Variants in STAT5B observed in about 807,000 individuals in gnomAD.
STAT5B encodes transcription factor STAT5B.
A neutral mutation model predicts 107.8 loss-of-function variants in STAT5B; 21 were observed. The observed-to-expected ratio is 0.19, with a 90% CI of 0.14 to 0.28. The LOEUF (loss-of-function observed/expected upper bound fraction) is 0.28. STAT5B is among the 10% of genes least tolerant of loss of function. The pLI, the probability that STAT5B is intolerant of heterozygous loss-of-function variation, is 1.00. For missense variants in STAT5B, 565 were observed against 1,008.2 expected (o/e 0.56, Z 5.95); for synonymous variants, 325 against 401.7 (o/e 0.81, Z 2.28).
At chr17:42,266,788 T>C (rs2080676788) in intron 1 of STAT5B, among the ~76,000 whole-genome samples, 1 of 152,186 alleles carries the variant, frequency 6.6e-6, no homozygotes, top group South Asian at 2.1e-4. Flanking sequence ...ATGTGAATTG[T>C]AGCCATGCCA....
rs1043146084 is a variant in STAT5B, at chr17:42,250,130, T to C, written c.-10-17993A>G. Among the ~76,000 whole-genome samples, 4 of 152,222 alleles carry C rather than the reference T, an allele frequency of 2.6e-5. No homozygotes were observed. In the East Asian group the frequency reaches 7.7e-4, roughly 29 times the overall value. On this transcript the variant is annotated intron_variant, in intron 1 of 18. Coordinates refer to ENST00000293328, the MANE Select transcript of STAT5B (RefSeq NM_012448.4). ...CAGATCGGTTCCCGGCTTAACTATC[T>C]ACACAAAACTTGCGAGAAAATGTTA...
chr17:42,212,164 G>C lies in STAT5B; in HGVS notation c.1500C>G (p.Asp500Glu). The C allele has an allele frequency of 6.2e-7, 1 of 1,614,208 alleles. No homozygotes were observed. The change falls in exon 13 of 19, where the codon GAC becomes GAG. Residue 500 changes from aspartate (D) to glutamate (E), a missense_variant. By Grantham distance (45) the Asp-to-Glu change is conservative. This residue lies in a region of STAT5B where 127 missense variants were observed against 215.8 expected (regional missense o/e 0.59). Transcript: ENST00000293328. ...CACACAGCTGTGGCCACAGCACTTT[G>C]TCAGGCACGGCAAATGGCACCCTGC... The part of the protein sequence containing the change: ...EPGRVPFAVP[D>E]KVLWPQLCEA...
chr17:42,203,942 C>T (rs538647433), intron 16 of STAT5B, among the ~76,000 whole-genome samples: 1 of 151,988 alleles, frequency 6.6e-6, no homozygotes, highest in East Asian at 1.9e-4. Flanking sequence ...CGGAGGTTTT[C>T]AAGCAGGAGG....
chr17:42,278,247 TC>T (rs1328937851), upstream of STAT5B, among the ~76,000 whole-genome samples: 1 of 152,230 alleles, frequency 6.6e-6, no homozygotes, highest in African/African-American at 2.4e-5. Flanking sequence ...TTTCATGTTT[TC>T]ATGTTTCTGT....
chr17:42,281,620 G>T (rs2080795976), upstream of STAT5B, among the ~76,000 whole-genome samples: 1 of 152,188 alleles, frequency 6.6e-6, no homozygotes, highest in Admixed American at 6.5e-5. Context: ...GAGGGGAGGG[G>T]AGAGGACGGG....
rs1482369827 is a variant in STAT5B, at chr17:42,207,658, G to A, written c.1977C>T (p.Arg659=). 6.2e-7 allele frequency: 1 copy of A among 1,614,162 alleles called. No homozygotes were observed. Among genetic ancestry groups the A allele is most frequent in the Admixed American group, 1.7e-5 (1 of 60,008 alleles). The change falls in exon 16 of 19, where the codon CGC becomes CGT. Residue 659 remains arginine (R), a synonymous_variant. Coordinates refer to ENST00000293328, the MANE Select transcript of STAT5B (RefSeq NM_012448.4). ...RDFSIRSLAD[R]LGDLNYLIYV... is the part of the protein sequence containing the mutation. ...AGATAAGGTAATTCAAGTCTCCCAA[G>A]CGGTCGGCTAGGGACCGAATGGAGA...
rs1251703661 is a variant in STAT5B at position 42,262,998 on chromosome 17, A to G, written c.-11+13250T>C. Among the ~76,000 whole-genome samples the G allele has an allele frequency of 3.7e-4, 23 of 61,760 alleles. No homozygotes were observed. In the East Asian group the frequency reaches 8.9e-3, roughly 24 times the overall value. The allele number at this position is 61,760 out of a possible 152,430, so 40.5% of individuals were successfully genotyped here. On this transcript the variant is annotated intron_variant, in intron 1 of 18. Transcript: ENST00000293328. Reference sequence around the variant, plus strand: ...TATATATATATATATATATATATATATATATATATATATATATAAAAAAAC... The same window carrying G: ...TATATATATATATATATATATATATGTATATATATATATATATAAAAAAAC...
chr17:42,264,394 T>A (rs1309733341), intron 1 of STAT5B, among the ~76,000 whole-genome samples: 2 of 132,634 alleles, frequency 1.5e-5, no homozygotes, highest in African/African-American at 5.7e-5. Context: ...AGTGTGATGT[T>A]CCCCTTCCTG....
chr17:42,245,889 G>T (rs745385560), intron 1 of STAT5B, among the ~76,000 whole-genome samples: 6 of 151,952 alleles, frequency 3.9e-5, no homozygotes, highest in African/African-American at 7.2e-5. Context: ...TCCAACTCTT[G>T]GCCTTGTGAT....
chr17:42,281,733 C>T, the STAT5B span, among the ~76,000 whole-genome samples: 1 of 152,174 alleles, frequency 6.6e-6, no homozygotes. Flanking sequence ...GGCTCCCTTC[C>T]AGCCAGAGCT....
In STAT5B at chr17:42,200,334, C is replaced by T. The variant is rs575102422; in HGVS notation, c.*1404G>A. ...GGGGGCCGAGGGGTGACCTTTTAGG[C>T]CTTACCCGTAAGCTATTTTAATACA... On this transcript the variant is annotated 3_prime_UTR_variant, in exon 19 of 19. Transcript: ENST00000293328. 1.9e-4 allele frequency: 29 copies of T among 152,730 alleles called. No homozygotes were observed. Among genetic ancestry groups the T allele is most frequent in the African/African-American group, 5.8e-4 (24 of 41,544 alleles). 9.5% of individuals were successfully genotyped at this position (152,730 alleles called of 1,614,324 possible).
intron 1 of STAT5B, among the ~76,000 whole-genome samples, chr17:42,266,172 A>C (rs1213245370): frequency 6.6e-6 from 1 of 151,998 alleles, no homozygotes; most frequent in Non-Finnish European, 1.5e-5. Context: ...AAATTTACCA[A>C]TAAAACTGGA....
At chr17:42,243,221 T>C (rs2080420700) in intron 1 of STAT5B, among the ~76,000 whole-genome samples, 2 of 151,928 alleles carry the variant, frequency 1.3e-5, no homozygotes, top group Middle Eastern at 6.8e-3. Flanking sequence ...TTGGGCGTGG[T>C]GGCACACGCC....
At chr17:42,266,546 T>TAA (rs771718588) in intron 1 of STAT5B, among the ~76,000 whole-genome samples, 26 of 121,364 alleles carry the variant, frequency 2.1e-4, no homozygotes, top group South Asian at 1.3e-3. Context: ...TCTCAAAAAA[T>TAA]AAAAAAAAAA....
upstream of STAT5B, among the ~76,000 whole-genome samples, chr17:42,278,402 A>G (rs1430981134): frequency 1.3e-5 from 2 of 152,220 alleles, no homozygotes; most frequent in African/African-American, 4.8e-5. Context: ...AGGACTATGC[A>G]GTCATTAAGA....
chr17:42,250,856 G>A (rs1228451647), intron 1 of STAT5B, among the ~76,000 whole-genome samples: 2 of 151,368 alleles, frequency 1.3e-5, no homozygotes, highest in Non-Finnish European at 2.9e-5. Context: ...CCTAGGAGGC[G>A]GAGGATGCAG....
At chr17:42,281,287 C>T (rs536459203), upstream of STAT5B, among the ~76,000 whole-genome samples, 3 of 152,242 alleles carry the variant, frequency 2.0e-5, no homozygotes, top group East Asian at 1.9e-4. Context: ...AGAATCCTTC[C>T]GTGCATTTAA....
intron 1 of STAT5B, among the ~76,000 whole-genome samples, chr17:42,245,775 C>T (rs574394012): frequency 2.5e-4 from 38 of 151,304 alleles, no homozygotes; most frequent in African/African-American, 8.2e-4. Context: ...CTGCCCACCT[C>T]GGCCTCCCAA....
intron 1 of STAT5B, among the ~76,000 whole-genome samples, chr17:42,273,279 T>C (rs897799101): frequency 6.6e-6 from 1 of 152,162 alleles, no homozygotes; most frequent in African/African-American, 2.4e-5. Context: ...ATTAAAAACA[T>C]TTTCTTCCTT....
Sources: gnomAD v4.1 joint callset for allele counts (sites outside exome capture counted in the v4.1 genomes callset) on GRCh38, gnomAD v4.1.1 for gene constraint, gnomAD v4.1.1 regional missense constraint, MANE v1.5 for transcripts, NCBI Gene and HGNC (gene_info 2026-07-23, HGNC 2026-07-21) for gene names.